Variants in FHIT observed in about 807,000 individuals in gnomAD.
FHIT encodes the protein fragile histidine triad diadenosine triphosphatase, also known as bis(5'-adenosyl)-triphosphatase.
FHIT carries 19 observed loss-of-function variants against 17.9 expected under a neutral mutation model. The observed-to-expected ratio is 1.06, with a 90% CI of 0.74 to 1.56. The LOEUF (loss-of-function observed/expected upper bound fraction) is 1.56. Ranked by LOEUF, FHIT falls within the 40% of genes most tolerant of loss-of-function variation. The probability of loss-of-function intolerance (pLI) is 0.00; values close to 1 mark genes in which losing one functional copy is unlikely to be tolerated. For missense variants in FHIT, 248 were observed against 189.2 expected (o/e 1.31, Z -1.82); for synonymous variants, 81 against 69.7 (o/e 1.16, Z -0.81).
chr3:60,955,597 CATATATATATATAT>C lies in FHIT; in HGVS notation c.-111+86436_-111+86449del, dbSNP rs201555469. 2.9e-3 allele frequency among the ~76,000 whole-genome samples: 224 copies of C among 77,706 alleles called. 7 individuals are homozygous for C. The highest frequency in any genetic ancestry group is 0.013 in the African/African-American group (210 of 16,674). 51.0% of individuals were successfully genotyped at this position (77,706 alleles called of 152,430 possible). A position where few individuals can be genotyped will look rare whatever the true frequency, so the allele number is the denominator to read the frequency against. On this transcript the variant is annotated intron_variant, in intron 3 of 9. Transcript: ENST00000492590. ...ATGTATCTGCTTAGGCATATATATA[CATATATATATATAT>C]ATATATATATATATATATATATACA...
At chr3:60,401,999 C>A in intron 5 of FHIT, among the ~76,000 whole-genome samples, 1 of 152,078 alleles carries the variant, frequency 6.6e-6, no homozygotes, top group East Asian at 1.9e-4. Flanking sequence ...AATGGTCAGT[C>A]TGTCACTTCC....
At chr3:60,489,792 G>C (rs378177) in intron 5 of FHIT, among the ~76,000 whole-genome samples, 7,445 of 152,238 alleles carry the variant, frequency 0.049, 297 homozygotes, top group Non-Finnish European at 0.074. Flanking sequence ...AGGAGGGCCT[G>C]TGCCTGTTTT....
At position 60,347,881 on chromosome 3, in the gene FHIT, C is replaced by G. The variant is rs368968560; in HGVS notation, c.103+188979G>C. ...TCAAGCGATTCTCCTGCCTCAGCCTCCCAAGTAGCTGGGATTACAGGCGCC... is the reference window on the plus strand; with the variant it reads ...TCAAGCGATTCTCCTGCCTCAGCCTGCCAAGTAGCTGGGATTACAGGCGCC... On this transcript the variant is annotated intron_variant, in intron 5 of 9. Transcript: ENST00000492590. Among the ~76,000 whole-genome samples the G allele has an allele frequency of 1.1e-3, 172 of 152,178 alleles. 1 individual carries two copies. The highest frequency in any genetic ancestry group is 1.6e-3 in the Admixed American group (25 of 15,294).
intron 4 of FHIT, among the ~76,000 whole-genome samples, chr3:60,705,272 A>C (rs529932668): frequency 6.6e-6 from 1 of 152,308 alleles, no homozygotes; most frequent in East Asian, 1.9e-4. Context: ...TAAACATAGA[A>C]CTTCAGAGAT....
At chr3:60,561,843 A>T (rs2036959170) in intron 4 of FHIT, among the ~76,000 whole-genome samples, 1 of 152,026 alleles carries the variant, frequency 6.6e-6, no homozygotes, top group Admixed American at 6.6e-5. Context: ...ATATCAAAAC[A>T]TTCTCTCTTT....
At chr3:60,937,557 CT>C (rs1482245625) in intron 3 of FHIT, among the ~76,000 whole-genome samples, 1 of 46,106 alleles carries the variant, frequency 2.2e-5, no homozygotes, top group Non-Finnish European at 7.3e-5. Flanking sequence ...TTTCTTTTTT[CT>C]TTTCTTTTCT....
chr3:60,389,622 T>A (rs1701145381), intron 5 of FHIT, among the ~76,000 whole-genome samples: 2 of 152,176 alleles, frequency 1.3e-5, no homozygotes, highest in Non-Finnish European at 2.9e-5. Flanking sequence ...GACCCATCAC[T>A]TCACCTGTAA....
chr3:61,207,550 G>A (rs1057395632), intron 1 of FHIT, among the ~76,000 whole-genome samples: 1 of 151,952 alleles, frequency 6.6e-6, no homozygotes, highest in Non-Finnish European at 1.5e-5. Context: ...AGTCTTGGGA[G>A]GGTGTATGTG....
intron 5 of FHIT, among the ~76,000 whole-genome samples, chr3:60,170,466 T>A (rs1291429690): frequency 6.6e-6 from 1 of 152,158 alleles, no homozygotes; most frequent in Non-Finnish European, 1.5e-5. Flanking sequence ...CCCACGTGAG[T>A]ATAAATGTGA....
chr3:60,128,244 G>A (rs1705647885), intron 5 of FHIT, among the ~76,000 whole-genome samples: 1 of 152,128 alleles, frequency 6.6e-6, no homozygotes. Flanking sequence ...CACATGTGGT[G>A]GGAAAGACTT....
At chr3:60,618,272 C>T (rs141630995) in intron 4 of FHIT, among the ~76,000 whole-genome samples, 2 of 152,208 alleles carry the variant, frequency 1.3e-5, no homozygotes, top group East Asian at 3.9e-4. Flanking sequence ...GTCCTCCTAG[C>T]TACCTATTTT....
At chr3:61,196,412 T>C (rs2038854978) in intron 2 of FHIT, among the ~76,000 whole-genome samples, 1 of 152,164 alleles carries the variant, frequency 6.6e-6, no homozygotes, top group Non-Finnish European at 1.5e-5. Context: ...CTTTTCAATT[T>C]ACCAAAACTT....
intron 5 of FHIT, among the ~76,000 whole-genome samples, chr3:60,122,019 T>C (rs984995334): frequency 1.3e-5 from 2 of 151,966 alleles, no homozygotes; most frequent in African/African-American, 4.8e-5. Flanking sequence ...GTGAGAAATA[T>C]GAAACAGACT....
intron 5 of FHIT, among the ~76,000 whole-genome samples, chr3:60,287,090 G>C (rs1046285199): frequency 4.6e-5 from 7 of 152,066 alleles, no homozygotes; most frequent in Admixed American, 4.6e-4. Context: ...CTTAAATGTT[G>C]AACTCAGTCA....
intron 3 of FHIT, among the ~76,000 whole-genome samples, chr3:60,881,288 A>G (rs1254604329): frequency 2.0e-5 from 3 of 152,346 alleles, no homozygotes; most frequent in East Asian, 1.9e-4. Context: ...ACATTGATAT[A>G]TAAATTAAAT....
chr3:60,882,671 C>G lies in FHIT; in HGVS notation c.-110-60660G>C, dbSNP rs142593425. Among the ~76,000 whole-genome samples, 22 of 152,108 alleles carry G rather than the reference C, an allele frequency of 1.4e-4. No individual in the cohort carries two copies. In the East Asian group the frequency reaches 4.2e-3, roughly 29 times the overall value. ...AGAAAAGAAAATTCAACATCCCTTCCTGATAAAAACCCTGAACAAACTAAG... is the reference window on the plus strand; with the variant it reads ...AGAAAAGAAAATTCAACATCCCTTCGTGATAAAAACCCTGAACAAACTAAG... On this transcript the variant is annotated intron_variant, in intron 3 of 9. Transcript: ENST00000492590.
chr3:60,951,044 A>G (rs1000541953), intron 3 of FHIT, among the ~76,000 whole-genome samples: 2 of 152,166 alleles, frequency 1.3e-5, no homozygotes, highest in African/African-American at 2.4e-5. Flanking sequence ...GAAAGTCACT[A>G]TTGGTTGGAT....
intron 8 of FHIT, among the ~76,000 whole-genome samples, chr3:59,819,614 AT>A (rs1700720961): frequency 6.6e-6 from 1 of 152,028 alleles, no homozygotes; most frequent in South Asian, 2.1e-4. Context: ...TCTTCCAGAC[AT>A]TTTTCTGTAT....
chr3:60,188,935 A>G (rs1401158964), intron 5 of FHIT, among the ~76,000 whole-genome samples: 1 of 152,102 alleles, frequency 6.6e-6, no homozygotes, highest in African/African-American at 2.4e-5. Context: ...CTATTCATCT[A>G]AAAGAAGGAC....
Sources: gnomAD v4.1 joint callset for allele counts (sites outside exome capture counted in the v4.1 genomes callset) on GRCh38, gnomAD v4.1.1 for gene constraint, MANE v1.5 for transcripts, NCBI Gene and HGNC (gene_info 2026-07-23, HGNC 2026-07-21) for gene names.